The following MYRIP variants were observed in gnomAD, a reference collection of about 807,000 sequenced individuals.
MYRIP encodes myosin VIIA and Rab interacting protein.
In MYRIP, 49 loss-of-function variants were observed where a neutral mutation model predicts 98.0. The ratio of observed to expected loss-of-function variants is 0.50; its 90% CI spans 0.40 to 0.63. MYRIP has a LOEUF of 0.63. Ranked by LOEUF, MYRIP falls within the 30% of genes least tolerant of loss-of-function variation. The pLI, the probability that MYRIP is intolerant of heterozygous loss-of-function variation, is 0.00. For synonymous variants in MYRIP, 404 were observed against 409.5 expected (o/e 0.99, Z 0.16); for missense variants, 1,004 against 1,058.2 (o/e 0.95, Z 0.71).
chr3:40,006,117 G>C (rs962613588), intron 2 of MYRIP, among the ~76,000 whole-genome samples: 2 of 152,186 alleles, frequency 1.3e-5, no homozygotes, highest in African/African-American at 4.8e-5. Context: ...TATGGTTAAA[G>C]AATCAGATGA....
At chr3:40,214,712 A>G (rs1413301783) in intron 11 of MYRIP, among the ~76,000 whole-genome samples, 1 of 152,126 alleles carries the variant, frequency 6.6e-6, no homozygotes, top group African/African-American at 2.4e-5. Context: ...TCCAAACCAC[A>G]TGGTCTTCAA....
At chr3:39,908,919 C>T (rs1943947795) in intron 2 of MYRIP, among the ~76,000 whole-genome samples, 1 of 152,142 alleles carries the variant, frequency 6.6e-6, no homozygotes, top group Non-Finnish European at 1.5e-5. Flanking sequence ...CTCCTCATGG[C>T]CTTTTGTAGC....
At chr3:39,953,747 G>A (rs927294135) in intron 2 of MYRIP, among the ~76,000 whole-genome samples, 7 of 152,280 alleles carry the variant, frequency 4.6e-5, no homozygotes, top group African/African-American at 1.7e-4. Context: ...GGAAGTGCAA[G>A]GGGTCAGGGA....
At chr3:40,152,148 T>C (rs1950137052) in intron 4 of MYRIP, among the ~76,000 whole-genome samples, 1 of 152,230 alleles carries the variant, frequency 6.6e-6, no homozygotes, top group South Asian at 2.1e-4. Context: ...TTTCCACATA[T>C]TATGTTTATC....
intron 2 of MYRIP, among the ~76,000 whole-genome samples, chr3:40,035,148 C>A (rs1281692048): frequency 6.6e-6 from 1 of 150,894 alleles, no homozygotes; most frequent in Non-Finnish European, 1.5e-5. Context: ...GGGTGCAGCA[C>A]ACCAGCATGG....
At position 40,112,076 on chromosome 3, in the gene MYRIP, AT is replaced by A. The variant is rs963831564; in HGVS notation, c.333-38969del. Among the ~76,000 whole-genome samples, 102 of 152,156 alleles carry A rather than the reference AT, an allele frequency of 6.7e-4. No homozygotes were observed. In the Middle Eastern group the frequency reaches 0.01, roughly 15 times the overall value. ...GACCAGAGAGGTGAGGGTTTAAGAGATTTAAGGTCCTCAGATGAGCTGGGGA... is the reference window on the plus strand; with the variant it reads ...GACCAGAGAGGTGAGGGTTTAAGAGATTAAGGTCCTCAGATGAGCTGGGGA... On this transcript the variant is annotated intron_variant, in intron 3 of 16. Transcript: ENST00000302541.
chr3:40,074,120 G>A (rs996505539), intron 3 of MYRIP, among the ~76,000 whole-genome samples: 1 of 150,764 alleles, frequency 6.6e-6, no homozygotes, highest in Non-Finnish European at 1.5e-5. Context: ...TGTCACCCAG[G>A]TTGGAGTGCA....
chr3:39,964,231 A>G (rs549042222), intron 2 of MYRIP, among the ~76,000 whole-genome samples: 2 of 152,116 alleles, frequency 1.3e-5, no homozygotes, highest in African/African-American at 4.8e-5. Flanking sequence ...TTCAATTCAG[A>G]AAAAAAACTT....
intron 2 of MYRIP, among the ~76,000 whole-genome samples, chr3:39,993,050 T>C (rs867912156): frequency 4.6e-5 from 7 of 152,326 alleles, no homozygotes; most frequent in Admixed American, 6.5e-5. Flanking sequence ...TAATTTATAA[T>C]GAACAGATAT....
At chr3:40,159,273 T>C (rs935888238) in intron 4 of MYRIP, among the ~76,000 whole-genome samples, 1 of 151,814 alleles carries the variant, frequency 6.6e-6, no homozygotes, top group Non-Finnish European at 1.5e-5. Context: ...TGGCTGGATA[T>C]GAAATTCTGG....
At chr3:39,977,203 A>AC (rs1308897319) in intron 2 of MYRIP, among the ~76,000 whole-genome samples, 2 of 152,160 alleles carry the variant, frequency 1.3e-5, no homozygotes, top group African/African-American at 4.8e-5. Context: ...CCTCCAAAGA[A>AC]AACACTATAG....
At chr3:39,965,047 A>G (rs1945408953) in intron 2 of MYRIP, among the ~76,000 whole-genome samples, 1 of 152,104 alleles carries the variant, frequency 6.6e-6, no homozygotes, top group Non-Finnish European at 1.5e-5. Context: ...ATTAAGTAAT[A>G]GTTTGATAAA....
intron 11 of MYRIP, among the ~76,000 whole-genome samples, chr3:40,229,355 G>GTTTTT (rs1952580651): frequency 2.0e-5 from 3 of 152,128 alleles, no homozygotes; most frequent in African/African-American, 7.2e-5. Flanking sequence ...TCTGCCTACA[G>GTTTTT]TCCCTAGAGG....
chr3:40,033,303 T>C (rs1395482796), intron 2 of MYRIP, among the ~76,000 whole-genome samples: 1 of 151,370 alleles, frequency 6.6e-6, no homozygotes, highest in Non-Finnish European at 1.5e-5. Context: ...GACGACATGA[T>C]TGTATATCTA....
At chr3:40,218,612 T>TTTATATA (rs1337574787) in intron 11 of MYRIP, among the ~76,000 whole-genome samples, 28 of 13,556 alleles carry the variant, frequency 2.1e-3, no homozygotes, top group East Asian at 5.3e-3. Flanking sequence ...TATATATATT[T>TTTATATA]TATATATATA....
Position 40,059,242 on chromosome 3 carries a change from T to TA in MYRIP, c.332+14972dup, listed in dbSNP as rs538429947. On this transcript the variant is annotated intron_variant, in intron 3 of 16. Coordinates refer to ENST00000302541, the MANE Select transcript of MYRIP (RefSeq NM_015460.4). ...ATTGTGAATAGTGCTGCAATAAACT[T>TA]ACGTTTGCATGTGTCTTTATAGTAG... is the stretch of plus-strand genomic sequence containing the variant. Among the ~76,000 whole-genome samples the TA allele has an allele frequency of 8.9e-4, 136 of 152,336 alleles. 1 individual carries two copies. Among genetic ancestry groups the TA allele is most frequent in the African/African-American group, 3.1e-3 (130 of 41,580 alleles).
chr3:39,819,239 T>C (rs1053663000), intron 1 of MYRIP, among the ~76,000 whole-genome samples: 1 of 152,042 alleles, frequency 6.6e-6, no homozygotes, highest in Admixed American at 6.6e-5. Flanking sequence ...TCCCAGCTAC[T>C]TAGGAGCCTG....
chr3:40,102,223 T>G (rs1948958695), intron 3 of MYRIP, among the ~76,000 whole-genome samples: 1 of 152,166 alleles, frequency 6.6e-6, no homozygotes. Flanking sequence ...ACCTCAAGTC[T>G]TCTGAGATGA....
chr3:39,899,186 T>C (rs1008420974), intron 1 of MYRIP, among the ~76,000 whole-genome samples: 5 of 152,092 alleles, frequency 3.3e-5, no homozygotes, highest in African/African-American at 2.4e-5. Flanking sequence ...TTGACCCTTA[T>C]GATCTAAAAA....
Sources: gnomAD v4.1 joint callset for allele counts (sites outside exome capture counted in the v4.1 genomes callset) on GRCh38, gnomAD v4.1.1 for gene constraint, MANE v1.5 for transcripts, NCBI Gene and HGNC (gene_info 2026-07-23, HGNC 2026-07-21) for gene names.